The following PLCL1 variants were observed in gnomAD, a reference collection of about 807,000 sequenced individuals.
PLCL1 encodes the protein phospholipase C like 1 (inactive).
PLCL1 carries 41 observed loss-of-function variants against 84.4 expected under a neutral mutation model. That is an observed-to-expected ratio of 0.49 (90% CI 0.38 to 0.63). The LOEUF (loss-of-function observed/expected upper bound fraction) is 0.63, where lower values mean the gene tolerates loss of function less well. Among genes scored for constraint, PLCL1 ranks in the 30% least tolerant of loss-of-function variants. The pLI is 0.00. For synonymous variants in PLCL1, 490 were observed against 488.3 expected, an observed-to-expected ratio of 1.00 and a Z score of -0.05; for missense variants, 1,206 against 1,367.8, an observed-to-expected ratio of 0.88 and a Z score of 1.87.
chr2:198,062,098 A>C (rs1692219046), intron 1 of PLCL1, among the ~76,000 whole-genome samples: 1 of 152,210 alleles, frequency 6.6e-6, no homozygotes, highest in Admixed American at 6.5e-5. Flanking sequence ...ATTGTTTAGG[A>C]CATGGTAAGA....
intron 1 of PLCL1, among the ~76,000 whole-genome samples, chr2:197,872,738 A>T (rs1475023354): frequency 6.6e-6 from 1 of 152,144 alleles, no homozygotes; most frequent in South Asian, 2.1e-4. Context: ...TTGTGATTAC[A>T]ATTGTAATTA....
chr2:197,914,730 G>T (rs1350947767), intron 1 of PLCL1, among the ~76,000 whole-genome samples: 1 of 152,176 alleles, frequency 6.6e-6, no homozygotes, highest in Non-Finnish European at 1.5e-5. Context: ...AATCAGTTAA[G>T]TCAATAAACA....
chr2:197,815,120 T>C (rs1224631340), intron 1 of PLCL1, among the ~76,000 whole-genome samples: 7 of 152,214 alleles, frequency 4.6e-5, no homozygotes, highest in Admixed American at 4.6e-4. Flanking sequence ...CTAGGACTTT[T>C]ATAGCTACAG....
chr2:198,058,218 G>A (rs943855225), intron 1 of PLCL1, among the ~76,000 whole-genome samples: 2 of 152,094 alleles, frequency 1.3e-5, no homozygotes, highest in Non-Finnish European at 2.9e-5. Flanking sequence ...GATACTGGTT[G>A]AATTTTACTT....
chr2:197,979,423 A>G (rs773961555), intron 1 of PLCL1, among the ~76,000 whole-genome samples: 3 of 152,142 alleles, frequency 2.0e-5, no homozygotes, highest in Non-Finnish European at 2.9e-5. Flanking sequence ...TACTGATCCC[A>G]CCATTACAAG....
chr2:198,135,328 G>A (rs1342476197), intron 5 of PLCL1, among the ~76,000 whole-genome samples: 1 of 152,094 alleles, frequency 6.6e-6, no homozygotes, highest in Non-Finnish European at 1.5e-5. Flanking sequence ...CATTTGAAAT[G>A]CAATTAATTA....
chr2:197,936,405 C>T (rs577986946), intron 1 of PLCL1, among the ~76,000 whole-genome samples: 219 of 151,996 alleles, frequency 1.4e-3, no homozygotes, highest in Non-Finnish European at 2.0e-3. Context: ...TCCTTTTTTC[C>T]GCATATCTTT....
intron 1 of PLCL1, among the ~76,000 whole-genome samples, chr2:198,005,074 G>T (rs962242404): frequency 6.6e-6 from 1 of 152,190 alleles, no homozygotes; most frequent in Non-Finnish European, 1.5e-5. Flanking sequence ...AGACAAGGCA[G>T]GGTAGGGAGG....
chr2:197,935,543 T>C (rs1037690994), intron 1 of PLCL1, among the ~76,000 whole-genome samples: 2 of 152,132 alleles, frequency 1.3e-5, no homozygotes, highest in African/African-American at 4.8e-5. Context: ...TATTCTCACT[T>C]ATAAGTGGGA....
chr2:197,875,528 C>T (rs192812749), intron 1 of PLCL1, among the ~76,000 whole-genome samples: 8 of 152,092 alleles, frequency 5.3e-5, no homozygotes, highest in East Asian at 1.9e-4. Context: ...TTAAAAAGAC[C>T]GCATTGAGCT....
intron 1 of PLCL1, among the ~76,000 whole-genome samples, chr2:198,039,444 C>T (rs964478959): frequency 3.3e-5 from 5 of 152,106 alleles, no homozygotes; most frequent in African/African-American, 4.8e-5. Context: ...ATAATTACTT[C>T]TTAGGATTTG....
intron 1 of PLCL1, among the ~76,000 whole-genome samples, chr2:197,879,292 C>G (rs906675252): frequency 3.3e-5 from 5 of 152,118 alleles, no homozygotes; most frequent in Non-Finnish European, 5.9e-5. Flanking sequence ...TTTTCAGGTT[C>G]AAAGGATTTG....
intron 1 of PLCL1, among the ~76,000 whole-genome samples, chr2:197,931,777 C>G (rs1455572417): frequency 6.8e-6 from 1 of 147,494 alleles, no homozygotes; most frequent in African/African-American, 2.5e-5. Flanking sequence ...GTTTTAAATT[C>G]AGTGGGAAGC....
intron 5 of PLCL1, among the ~76,000 whole-genome samples, chr2:198,116,177 C>A (rs993915761): frequency 1.3e-5 from 2 of 151,292 alleles, no homozygotes; most frequent in Non-Finnish European, 3.0e-5. Context: ...TATGGAGCAG[C>A]AAAAAAGTTA....
At chr2:198,016,691 T>TA (rs1328970368) in intron 1 of PLCL1, among the ~76,000 whole-genome samples, 1 of 152,178 alleles carries the variant, frequency 6.6e-6, no homozygotes, top group East Asian at 1.9e-4. Flanking sequence ...GGCTGGCACT[T>TA]AGTCTGTTTT....
At chr2:197,931,444 C>T (rs766038213) in intron 1 of PLCL1, among the ~76,000 whole-genome samples, 7 of 152,130 alleles carry the variant, frequency 4.6e-5, no homozygotes, top group Non-Finnish European at 1.0e-4. Context: ...ATAAGGCAGT[C>T]TACACCGGCT....
intron 1 of PLCL1, among the ~76,000 whole-genome samples, chr2:197,900,918 A>AAGAT (rs1447372057): frequency 2.0e-5 from 3 of 152,230 alleles, no homozygotes; most frequent in African/African-American, 4.8e-5. Flanking sequence ...TTTTTCTTCA[A>AAGAT]AGATTGTAAG....
At chr2:198,134,180 G>C (rs955735391) in intron 5 of PLCL1, among the ~76,000 whole-genome samples, 6 of 152,144 alleles carry the variant, frequency 3.9e-5, no homozygotes, top group Non-Finnish European at 8.8e-5. Context: ...GTCTGTTGGT[G>C]TAGATGGCTT....
At chr2:197,881,098 T>C (rs1687819668) in intron 1 of PLCL1, among the ~76,000 whole-genome samples, 1 of 152,192 alleles carries the variant, frequency 6.6e-6, no homozygotes, top group South Asian at 2.1e-4. Context: ...GGGCAGGCAC[T>C]GTGCTCATCT....
Sources: gnomAD v4.1 joint callset for allele counts (sites outside exome capture counted in the v4.1 genomes callset) on GRCh38, gnomAD v4.1.1 for gene constraint, MANE v1.5 for transcripts, NCBI Gene and HGNC (gene_info 2026-07-23, HGNC 2026-07-21) for gene names.